Variants in FAM83H observed in about 807,000 individuals in gnomAD.
FAM83H encodes the protein scaffolding CK1 anchoring protein H, also known as protein FAM83H.
Under a neutral mutation model 30.2 loss-of-function variants are expected in FAM83H, and 24 were observed. The ratio of observed to expected loss-of-function variants is 0.79; its 90% CI spans 0.57 to 1.12. FAM83H has a LOEUF of 1.12. Among genes scored for constraint, FAM83H ranks in the 50% most tolerant of loss-of-function variants. The probability of loss-of-function intolerance (pLI) is 0.00; values close to 1 mark genes in which losing one functional copy is unlikely to be tolerated. For missense variants in FAM83H, 2,038 were observed against 1,773.9 expected, an observed-to-expected ratio of 1.15 and a Z score of -2.67; for synonymous variants, 1,013 against 821.7, an observed-to-expected ratio of 1.23 and a Z score of -3.98.
In FAM83H at chr8:143,725,155, ACGGGGGGG is replaced by A. The variant is rs1166748173; in HGVS notation, c.*758_*765del. 33 of 1,404 alleles carry A rather than the reference ACGGGGGGG, an allele frequency of 0.024. 1 individual carries two copies. In the East Asian group the frequency reaches 0.27, roughly 12 times the overall value. 0.1% of individuals were successfully genotyped at this position (1,404 alleles called of 1,614,324 possible). ...GAAGCCCAGGCGGGGGAGGGGGGAG[ACGGGGGGG>A]GGGGGGGGGGAGGGAAGGAGGAGAC... On this transcript the variant is annotated 3_prime_UTR_variant, in exon 5 of 5. Transcript: ENST00000388913.
chr8:143,725,802 C>A lies in FAM83H; in HGVS notation c.*119G>T. On this transcript the variant is annotated 3_prime_UTR_variant, in exon 5 of 5. Transcript: ENST00000388913. ...CTGGCGCACTCAGCCAAGCCCCAAG[C>A]GGCCGTGGCCTGACAGCCGCTGCTC... is the stretch of plus-strand genomic sequence containing the variant. The A allele has an allele frequency of 3.3e-6, 5 of 1,514,906 alleles. No homozygotes were observed. The highest frequency in any genetic ancestry group is 4.4e-6 in the Non-Finnish European group (5 of 1,123,768). The allele number at this position is 1,514,906 out of a possible 1,614,324, so 93.8% of individuals were successfully genotyped here.
Position 143,725,849 on chromosome 8 carries a change from T to C in FAM83H, c.*72A>G. ...GCTCAAGCAGATGAGCAGGGCTCTCTGTTCCGCGGGGCTTCTGGATGACCG... is the reference window on the plus strand; with the variant it reads ...GCTCAAGCAGATGAGCAGGGCTCTCCGTTCCGCGGGGCTTCTGGATGACCG... On this transcript the variant is annotated 3_prime_UTR_variant, in exon 5 of 5. Transcript: ENST00000388913. The C allele has an allele frequency of 6.3e-7, 1 of 1,577,988 alleles. No individual in the cohort carries two copies. The highest frequency in any genetic ancestry group is 1.1e-5 in the South Asian group (1 of 87,644).
chr8:143,726,493 G>T lies in FAM83H; in HGVS notation c.2968C>A (p.Pro990Thr), dbSNP rs532022507. The part of the protein sequence containing the change: ...RMEDEGGFPV[P>T]QENGQPESPR... ...CTCTCGGGTTGGCCGTTCTCCTGCGGCACTGGGAAGCCACCCTCATCCTCC... is the reference window on the plus strand; with the variant it reads ...CTCTCGGGTTGGCCGTTCTCCTGCGTCACTGGGAAGCCACCCTCATCCTCC... Residue 990 changes from proline to threonine, a missense_variant, in exon 5 of 5, where the codon CCG (proline) becomes ACG (threonine). Transcript: ENST00000388913. 1.2e-6 allele frequency: 2 copies of T among 1,605,424 alleles called. No homozygotes were observed. The highest frequency in any genetic ancestry group is 1.3e-5 in the African/African-American group (1 of 75,030).
Position 143,728,386 on chromosome 8 carries a change from G to C in FAM83H, c.1075C>G (p.Pro359Ala). The C allele has an allele frequency of 1.9e-6, 3 of 1,545,940 alleles. No homozygotes were observed. Among genetic ancestry groups the C allele is most frequent in the Non-Finnish European group, 2.6e-6 (3 of 1,144,486 alleles). The change falls in exon 5 of 5, where the codon CCG becomes GCG. Residue 359 changes from proline (P) to alanine (A), a missense_variant. Physicochemically the swap from Pro to Ala is conservative, Grantham distance 27. Transcript: ENST00000388913. ...HFLSAFRREE[P>A]PRMPGGALEP... ...AGCGCGCCCCCCGGCATCCGCGGCGGCTCCTCCCGGCGGAAGGCCGACAGG... is the reference window on the plus strand; with the variant it reads ...AGCGCGCCCCCCGGCATCCGCGGCGCCTCCTCCCGGCGGAAGGCCGACAGG...
rs1818588977 is a variant in FAM83H, at chr8:143,733,170, A to G, written c.-16+521T>C. On this transcript the variant is annotated intron_variant, in intron 1 of 4. Coordinates refer to ENST00000388913, the MANE Select transcript of FAM83H (RefSeq NM_198488.5). The surrounding 1 kb of genome is among the most constrained non-coding windows in gnomAD (Gnocchi z 5.6). ...GCCCCCAACGGGGTCAGTGCACCCT[A>G]CGAGCTCGCGGCTGCGGCCGCTGGG... The G allele has an allele frequency of 6.5e-6, 1 of 153,500 alleles. No homozygotes were observed. Among genetic ancestry groups the G allele is most frequent in the Non-Finnish European group, 1.5e-5 (1 of 68,198 alleles). The allele number at this position is 153,500 out of a possible 1,614,324, so 9.5% of individuals were successfully genotyped here. A position where few individuals can be genotyped will look rare whatever the true frequency, so the allele number is the denominator to read the frequency against.
At chr8:143,732,484 G>A (rs1563762959) in intron 1 of FAM83H, 1 of 985,350 alleles carries the variant, frequency 1.0e-6, no homozygotes, top group Non-Finnish European at 1.2e-6. Context: ...TTGTTTGAGG[G>A]TACTTCCCGA....
rs1554622554 is a variant in FAM83H, at chr8:143,727,420, T to C, written c.2041A>G (p.Arg681Gly). The change falls in exon 5 of 5, where the codon AGG (arginine) becomes GGG (glycine). Residue 681 changes from arginine (R) to glycine (G), a missense_variant. Transcript: ENST00000388913. ...RLNPLVQRSS[R>G]LRSSLIFSTS... is the part of the protein sequence containing the mutation. ...CTGAAGATGAGCGAGGAGCGCAGCC[T>C]GGAGCTGCGCTGGACCAGGGGGTTC... 3 of 1,571,494 alleles carry C rather than the reference T, an allele frequency of 1.9e-6. No homozygotes were observed. The highest frequency in any genetic ancestry group is 2.6e-6 in the Non-Finnish European group (3 of 1,166,570).
rs530884669 is a variant in FAM83H at position 143,728,192 on chromosome 8, G to T, written c.1269C>A (p.Phe423Leu). 8 of 1,604,728 alleles carry T rather than the reference G, an allele frequency of 5.0e-6. No homozygotes were observed. In the South Asian group the frequency reaches 5.5e-5, roughly 11 times the overall value. Residue 423 changes from phenylalanine (F) to leucine (L), a missense_variant, in exon 5 of 5, where the codon TTC (phenylalanine) becomes TTA (leucine). Coordinates refer to ENST00000388913, the MANE Select transcript of FAM83H (RefSeq NM_198488.5). ...GCCGCGACACCTGCCGCGCGGCCGC[G>T]AAGTTCTCCACGGCGCCCGCGCCCT... ...ATEGAGAVEN[F>L]AAARQVSRQT...
chr8:143,731,449 T>C, intron 1 of FAM83H: 1 of 985,344 alleles, frequency 1.0e-6, no homozygotes, highest in Non-Finnish European at 1.2e-6. Context: ...GCCCCACACA[T>C]AGTCCCGGGC....
At chr8:143,728,881 C>T in intron 4 of FAM83H, 86 bp downstream of exon 4, 4 of 1,606,104 alleles carry the variant, frequency 2.5e-6, no homozygotes, top group Non-Finnish European at 3.4e-6. Context: ...GGGCTCCTGG[C>T]GAGGAGGGCC....
Position 143,727,626 on chromosome 8 carries a change from T to C in FAM83H, c.1835A>G (p.Asp612Gly), listed in dbSNP as rs1554622722. The change falls in exon 5 of 5, where the codon GAC becomes GGC. Residue 612 changes from aspartate (D) to glycine (G), a missense_variant. Physicochemically the swap from Asp to Gly is moderately conservative, Grantham distance 94 (BLOSUM62 -1). Transcript: ENST00000388913. The stretch of plus-strand genomic sequence containing the variant: ...TGCCCGGCCCCCGGGAGCCAGCACG[T>C]CGTCTTCGTAAGCCTCCGCTTCCAT... ...APMEAEAYED[D>G]VLAPGGRAPA... 1 of 1,581,420 alleles carries C rather than the reference T, an allele frequency of 6.3e-7. No homozygotes were observed.
chr8:143,727,134 G>A lies in FAM83H; in HGVS notation c.2327C>T (p.Pro776Leu). 6.5e-7 allele frequency: 1 copy of A among 1,534,464 alleles called. No individual in the cohort carries two copies. Among genetic ancestry groups the A allele is most frequent in the East Asian group, 2.4e-5 (1 of 40,878 alleles). ...GCGGCGCTCGCCCCCCACGGCACCT[G>A]GGGCCGCCACCTCTTCCCGCCACGC... ...SQAWREEVAA[P>L]GAVGGERRSL... Residue 776 changes from proline to leucine, a missense_variant, in exon 5 of 5, where the codon CCA (proline) becomes CTA (leucine). Coordinates refer to ENST00000388913, the MANE Select transcript of FAM83H (RefSeq NM_198488.5).
At chr8:143,728,901 A>G in intron 4 of FAM83H, 66 bp downstream of exon 4, 1 of 1,610,620 alleles carries the variant, frequency 6.2e-7, no homozygotes, top group Non-Finnish European at 8.5e-7. Flanking sequence ...CCTGGTGTGG[A>G]AAGGGGGTGC....
chr8:143,726,960 C>T lies in FAM83H; in HGVS notation c.2501G>A (p.Arg834His), dbSNP rs1409733268. ...TGAGTGGCTCTGGGCAGAGAGGAAG[C>T]GGGAAGGCAGGCGGTCGGAGCCGCT... ...GRSGSDRLPS[R>H]FLSAQSHSTS... Residue 834 changes from arginine to histidine, a missense_variant, in exon 5 of 5, where the codon CGC (arginine) becomes CAC (histidine). Coordinates refer to ENST00000388913, the MANE Select transcript of FAM83H (RefSeq NM_198488.5). The T allele has an allele frequency of 6.2e-7, 1 of 1,608,668 alleles. No homozygotes were observed. The highest frequency in any genetic ancestry group is 8.5e-7 in the Non-Finnish European group (1 of 1,178,358).
Position 143,728,189 on chromosome 8 carries a change from C to G in FAM83H, c.1272G>C (p.Ala424=). 1 of 1,605,242 alleles carries G rather than the reference C, an allele frequency of 6.2e-7. No homozygotes were observed. Among genetic ancestry groups the G allele is most frequent in the Non-Finnish European group, 8.5e-7 (1 of 1,178,540 alleles). ...TCTGCCGCGACACCTGCCGCGCGGC[C>G]GCGAAGTTCTCCACGGCGCCCGCGC... ...TEGAGAVENF[A]AARQVSRQTF... Residue 424 remains alanine, a synonymous_variant, in exon 5 of 5, where the codon GCG becomes GCC. Transcript: ENST00000388913.
Position 143,728,035 on chromosome 8 carries a change from G to T in FAM83H, c.1426C>A (p.Leu476Ile), listed in dbSNP as rs1554623082. The stretch of plus-strand genomic sequence containing the variant: ...GCGAAACCCGCGCGGCCCCCGCGAA[G>T]CTTCTCGAACAGGCCTTGCGGGCGC... ...PARPQGLFEK[L>I]RGGRAGFADP... is the part of the protein sequence containing the mutation. Residue 476 changes from leucine to isoleucine, a missense_variant, in exon 5 of 5, where the codon CTT (leucine) becomes ATT (isoleucine). Coordinates refer to ENST00000388913, the MANE Select transcript of FAM83H (RefSeq NM_198488.5). The T allele has an allele frequency of 3.7e-6, 6 of 1,607,394 alleles. 1 individual carries two copies. The South Asian group carries it at 4.4e-5, about 12-fold the overall frequency.
At position 143,730,216 on chromosome 8, in the gene FAM83H, T is replaced by C; in HGVS notation, c.367A>G (p.Thr123Ala). Reference protein sequence around the residue: ...LTFGFQGTEVTTLVQPPPPDS... With the variant: ...LTFGFQGTEVATLVQPPPPDS... ...GGGGGCGGTGGCTGCACCAAGGTGG[T>C]CACCTCGGTGCCCTGGAAGCCGAAG... The change falls in exon 2 of 5, where the codon ACC becomes GCC. Residue 123 changes from threonine to alanine, a missense_variant. Coordinates refer to ENST00000388913, the MANE Select transcript of FAM83H (RefSeq NM_198488.5). 6.2e-7 allele frequency: 1 copy of C among 1,612,686 alleles called. No individual in the cohort carries two copies. The highest frequency in any genetic ancestry group is 8.5e-7 in the Non-Finnish European group (1 of 1,179,458).
At chr8:143,728,811 G>A (rs1468998302) in intron 4 of FAM83H, 88 bp from the exon 5 acceptor site, 28 of 1,597,272 alleles carry the variant, frequency 1.8e-5, no homozygotes, top group Non-Finnish European at 2.4e-5. Context: ...GGAGGACGCA[G>A]GGATGTGAGG....
chr8:143,728,055 G>A lies in FAM83H; in HGVS notation c.1406C>T (p.Pro469Leu), dbSNP rs1818374077. 4 of 1,609,750 alleles carry A rather than the reference G, an allele frequency of 2.5e-6. No individual in the cohort carries two copies. The highest frequency in any genetic ancestry group is 2.2e-5 in the East Asian group (1 of 44,782). ...GCGAAGCTTCTCGAACAGGCCTTGC[G>A]GGCGCGCCGGCGTGAGCTGCGGGTC... ...QWDPQLTPAR[P>L]QGLFEKLRGG... Residue 469 changes from proline (P) to leucine (L), a missense_variant, in exon 5 of 5, where the codon CCG (proline) becomes CTG (leucine). Physicochemically the swap from Pro to Leu is moderately conservative, Grantham distance 98. Coordinates refer to ENST00000388913, the MANE Select transcript of FAM83H (RefSeq NM_198488.5).
Sources: gnomAD v4.1 joint callset for allele counts on GRCh38, gnomAD v4.1.1 for gene constraint, Gnocchi (gnomAD v3.1) non-coding constraint, MANE v1.5 for transcripts, NCBI Gene and HGNC (gene_info 2026-07-23, HGNC 2026-07-21) for gene names.